Variants in DTWD2 observed in about 807,000 individuals in gnomAD.
DTWD2 encodes the protein DTW motif tRNA-uridine aminocarboxypropyltransferase 2, also known as tRNA-uridine aminocarboxypropyltransferase 2.
DTWD2 carries 39 observed loss-of-function variants against 31.8 expected under a neutral mutation model. The ratio of observed to expected loss-of-function variants is 1.22; its 90% CI spans 0.95 to 1.60. DTWD2 has a LOEUF of 1.60. Among genes scored for constraint, DTWD2 ranks in the 40% most tolerant of loss-of-function variants. The pLI is 0.00. For synonymous variants in DTWD2, 180 were observed against 142.8 expected (o/e 1.26, Z -1.86); for missense variants, 515 against 381.5 (o/e 1.35, Z -2.92).
At chr5:118,970,179 C>T (rs927385925) in intron 1 of DTWD2, among the ~76,000 whole-genome samples, 157 of 152,356 alleles carry the variant, frequency 1.0e-3, no homozygotes, top group African/African-American at 3.7e-3. Flanking sequence ...GCAATCCCAT[C>T]ACTTTGGGAG....
At chr5:118,968,470 G>A (rs2149596992) in intron 1 of DTWD2, among the ~76,000 whole-genome samples, 1 of 152,290 alleles carries the variant, frequency 6.6e-6, no homozygotes, top group Non-Finnish European at 1.5e-5. Flanking sequence ...CTCACTAGGT[G>A]GATGGCTAAA....
Position 118,986,849 on chromosome 5 carries a change from T to C in DTWD2, c.218+1445A>G, listed in dbSNP as rs143298635. Among the ~76,000 whole-genome samples the C allele has an allele frequency of 8.7e-4, 132 of 152,210 alleles. No individual in the cohort carries two copies. In the East Asian group the frequency reaches 0.022, roughly 25 times the overall value. On this transcript the variant is annotated intron_variant, in intron 1 of 5. Transcript: ENST00000510708. The stretch of plus-strand genomic sequence containing the variant: ...ACCTAATTAAAGCAAATAAAATGCA[T>C]AGCAAGAGGGAGGAGAGCTTTTCAC...
chr5:118,923,739 C>A (rs1038929068), intron 4 of DTWD2, among the ~76,000 whole-genome samples: 11 of 152,142 alleles, frequency 7.2e-5, no homozygotes, highest in African/African-American at 2.7e-4. Context: ...TGCTTTATGT[C>A]CTTCAAAGTC....
intron 4 of DTWD2, among the ~76,000 whole-genome samples, chr5:118,893,876 A>C (rs939301012): frequency 1.3e-5 from 2 of 152,156 alleles, no homozygotes; most frequent in African/African-American, 4.8e-5. Flanking sequence ...AAAGAACTGA[A>C]TTCTGCCAAC....
intron 4 of DTWD2, among the ~76,000 whole-genome samples, chr5:118,897,434 G>A (rs949649503): frequency 6.6e-6 from 1 of 152,162 alleles, no homozygotes; most frequent in Non-Finnish European, 1.5e-5. Flanking sequence ...AAGAAAACTG[G>A]TGTTCATATA....
At chr5:118,869,241 A>C (rs886781992) in intron 4 of DTWD2, among the ~76,000 whole-genome samples, 8 of 152,148 alleles carry the variant, frequency 5.3e-5, no homozygotes, top group African/African-American at 1.9e-4. Context: ...CTTTTTTTAC[A>C]AAGCATTAAA....
chr5:118,866,960 T>C (rs930460748), intron 4 of DTWD2, among the ~76,000 whole-genome samples: 18 of 151,812 alleles, frequency 1.2e-4, no homozygotes, highest in Non-Finnish European at 2.1e-4. Context: ...AAATTCAATA[T>C]GATTTCAAAG....
intron 4 of DTWD2, among the ~76,000 whole-genome samples, chr5:118,882,397 T>G (rs1321418679): frequency 6.6e-6 from 1 of 152,198 alleles, no homozygotes; most frequent in Non-Finnish European, 1.5e-5. Context: ...TGGTGCAAGC[T>G]GTCAGTGGAT....
chr5:118,928,713 T>G lies in DTWD2; in HGVS notation c.421A>C (p.Thr141Pro), dbSNP rs757832525. The change falls in exon 4 of 6, where the codon ACT becomes CCT. Residue 141 changes from threonine (T) to proline (P), a missense_variant. Thr to Pro is a conservative substitution (Grantham distance 38). Transcript: ENST00000510708. ...FSEERDPELS[T>P]VCRKSGTLIL... ...AATGTACCAGACTTCCGGCAAACAG[T>G]TGAAAGTTCAGGATCTCTGAAAAAG... is the stretch of plus-strand genomic sequence containing the variant. 3.8e-6 allele frequency: 6 copies of G among 1,571,546 alleles called. No individual in the cohort carries two copies. The highest frequency in any genetic ancestry group is 1.2e-5 in the South Asian group (1 of 80,196).
chr5:118,979,071 A>G (rs911100550), intron 1 of DTWD2, among the ~76,000 whole-genome samples: 10 of 152,120 alleles, frequency 6.6e-5, no homozygotes, highest in Non-Finnish European at 1.2e-4. Flanking sequence ...TTGGGAGGCC[A>G]AGGCGGGTGG....
intron 4 of DTWD2, among the ~76,000 whole-genome samples, chr5:118,890,582 T>C (rs2149559860): frequency 7.2e-6 from 1 of 139,308 alleles, no homozygotes; most frequent in South Asian, 2.4e-4. Flanking sequence ...TTTTTTTTTT[T>C]TTTTTTTGAG....
Position 118,928,552 on chromosome 5 carries a change from G to A in DTWD2, c.582C>T (p.Phe194=), listed in dbSNP as rs750835035. 2.0e-6 allele frequency: 3 copies of A among 1,511,926 alleles called. No homozygotes were observed. The highest frequency in any genetic ancestry group is 3.0e-5 in the South Asian group (2 of 67,046). 93.7% of individuals were successfully genotyped at this position (1,511,926 alleles called of 1,614,324 possible). ...ACTAGTTTACCTGTTTGGGATGTCGGAACAAGGAGTTCTTATAGAAAATGT... is the reference window on the plus strand; with the variant it reads ...ACTAGTTTACCTGTTTGGGATGTCGAAACAAGGAGTTCTTATAGAAAATGT... ...AKDIFYKNSL[F]RHPKQVQLKT... is the part of the protein sequence containing the mutation. The change falls in exon 4 of 6, where the codon TTC becomes TTT. Residue 194 remains phenylalanine (F), a synonymous_variant. Coordinates refer to ENST00000510708, the MANE Select transcript of DTWD2 (RefSeq NM_173666.4).
intron 4 of DTWD2, among the ~76,000 whole-genome samples, chr5:118,885,239 G>A (rs1580786358): frequency 6.6e-6 from 1 of 151,108 alleles, no homozygotes; most frequent in Non-Finnish European, 1.5e-5. Flanking sequence ...AGACCACAAG[G>A]TCAAGAGATC....
intron 4 of DTWD2, among the ~76,000 whole-genome samples, chr5:118,873,296 G>T (rs1752548099): frequency 6.6e-6 from 1 of 152,218 alleles, no homozygotes. Flanking sequence ...CTGCAGGGCA[G>T]TCTTGCACGT....
chr5:118,865,403 G>A (rs548416228), intron 4 of DTWD2, among the ~76,000 whole-genome samples: 10 of 151,672 alleles, frequency 6.6e-5, no homozygotes, highest in East Asian at 1.9e-4. Flanking sequence ...CCTTCAGTTC[G>A]TTCCTAAATA....
At chr5:118,870,864 TC>T (rs1752486385) in intron 4 of DTWD2, among the ~76,000 whole-genome samples, 1 of 151,574 alleles carries the variant, frequency 6.6e-6, no homozygotes, top group African/African-American at 2.4e-5. Context: ...TAAACTTTTT[TC>T]AAAACTGGAG....
At chr5:118,893,715 G>A (rs1025091593) in intron 4 of DTWD2, among the ~76,000 whole-genome samples, 4 of 152,050 alleles carry the variant, frequency 2.6e-5, no homozygotes, top group African/African-American at 9.6e-5. Flanking sequence ...GAAAAAGGAG[G>A]AGAAAGCACG....
chr5:118,967,057 CAA>C (rs113213191), intron 1 of DTWD2, among the ~76,000 whole-genome samples: 1 of 135,122 alleles, frequency 7.4e-6, no homozygotes. Flanking sequence ...ATCAGTAACT[CAA>C]AAAAAAAAAA....
intron 4 of DTWD2, among the ~76,000 whole-genome samples, chr5:118,856,929 C>T (rs1407146074): frequency 5.3e-5 from 8 of 151,670 alleles, no homozygotes; most frequent in South Asian, 2.1e-4. Flanking sequence ...CCTGCCACCA[C>T]GCCCAATTAA....
Sources: gnomAD v4.1 joint callset for allele counts (sites outside exome capture counted in the v4.1 genomes callset) on GRCh38, gnomAD v4.1.1 for gene constraint, MANE v1.5 for transcripts, NCBI Gene and HGNC (gene_info 2026-07-23, HGNC 2026-07-21) for gene names.